The following C1QTNF3 variants were observed in gnomAD, a reference collection of about 807,000 sequenced individuals.
C1QTNF3 encodes the protein C1q and TNF related 3.
In C1QTNF3, 26 loss-of-function variants were observed where a neutral mutation model predicts 32.6. The observed-to-expected ratio is 0.80, with a 90% CI of 0.58 to 1.11. C1QTNF3 has a LOEUF of 1.11. Ranked by LOEUF, C1QTNF3 falls within the 50% of genes least tolerant of loss-of-function variation. The pLI is 0.00. For synonymous variants in C1QTNF3, 155 were observed against 146.0 expected (o/e 1.06, Z -0.44); for missense variants, 362 against 398.2 (o/e 0.91, Z 0.77).
At chr5:34,090,804 T>C in the C1QTNF3 span, among the ~76,000 whole-genome samples, 1 of 152,052 alleles carries the variant, frequency 6.6e-6, no homozygotes, top group Non-Finnish European at 1.5e-5. Context: ...GCGAAGCAGG[T>C]TGTGGACCCT....
At chr5:34,203,642 C>A in the C1QTNF3 span, among the ~76,000 whole-genome samples, 2 of 150,598 alleles carry the variant, frequency 1.3e-5, no homozygotes, top group African/African-American at 4.9e-5. Context: ...GCCAAGATTG[C>A]GCCACTGCAC....
chr5:34,074,373 A>C, the C1QTNF3 span, among the ~76,000 whole-genome samples: 3 of 151,690 alleles, frequency 2.0e-5, no homozygotes, highest in African/African-American at 2.4e-5. Flanking sequence ...CTTCATATTC[A>C]TGTCTAAACA....
the C1QTNF3 span, among the ~76,000 whole-genome samples, chr5:34,237,667 T>C: frequency 6.6e-6 from 1 of 151,612 alleles, no homozygotes; most frequent in Non-Finnish European, 1.5e-5. Flanking sequence ...AGAGAGAAAA[T>C]GCTGAGTGGA....
Position 34,043,004 on chromosome 5 carries a change from A to G in C1QTNF3, c.122T>C (p.Val41Ala). 6.2e-7 allele frequency: 1 copy of G among 1,614,148 alleles called. No individual in the cohort carries two copies. Among genetic ancestry groups the G allele is most frequent in the Non-Finnish European group, 8.5e-7 (1 of 1,180,014 alleles). ...ACGGCCAGTCTGCTGGTGGCTTTGC[A>G]CTATTCTTGCCACCACTTTATTAGT... ...GRTNKVVARI[V>A]QSHQQTGRSG... Residue 41 changes from valine (V) to alanine (A), a missense_variant, in exon 1 of 6, where the codon GTG (valine) becomes GCG (alanine). Val to Ala is a moderately conservative substitution (Grantham distance 64, BLOSUM62 0). Transcript: ENST00000382065.
At chr5:34,026,627 A>G (rs1466601391) in intron 4 of C1QTNF3, among the ~76,000 whole-genome samples, 1 of 152,082 alleles carries the variant, frequency 6.6e-6, no homozygotes, top group Non-Finnish European at 1.5e-5. Context: ...CCATACTTAA[A>G]AGAATCCGTT....
chr5:34,176,636 A>T, the C1QTNF3 span, among the ~76,000 whole-genome samples: 4 of 152,112 alleles, frequency 2.6e-5, no homozygotes, highest in African/African-American at 9.7e-5. Context: ...TCATCCAAGC[A>T]CTTTGGGAGA....
chr5:34,054,139 C>A, the C1QTNF3 span, among the ~76,000 whole-genome samples: 2 of 152,162 alleles, frequency 1.3e-5, no homozygotes, highest in Admixed American at 6.5e-5. Flanking sequence ...AGAACCAGGC[C>A]CCCAGATGGG....
At chr5:34,061,330 G>A in the C1QTNF3 span, among the ~76,000 whole-genome samples, 4 of 152,296 alleles carry the variant, frequency 2.6e-5, no homozygotes, top group Admixed American at 2.6e-4. Flanking sequence ...TTTTCCAGGT[G>A]CATGGTGCAA....
the C1QTNF3 span, among the ~76,000 whole-genome samples, chr5:34,171,940 G>C: frequency 6.6e-6 from 1 of 152,078 alleles, no homozygotes; most frequent in Non-Finnish European, 1.5e-5. Context: ...ATTCAACCAA[G>C]TATACAGCAC....
the C1QTNF3 span, among the ~76,000 whole-genome samples, chr5:34,120,035 G>T: frequency 2.0e-5 from 3 of 152,098 alleles, no homozygotes; most frequent in Admixed American, 2.0e-4. Context: ...AGAAACATCG[G>T]TATTTGATTA....
At chr5:34,155,051 C>T in the C1QTNF3 span, among the ~76,000 whole-genome samples, 8 of 152,194 alleles carry the variant, frequency 5.3e-5, no homozygotes, top group East Asian at 3.9e-4. Context: ...ACCTACCTAC[C>T]GCAGATATCA....
At chr5:34,197,848 C>G in the C1QTNF3 span, among the ~76,000 whole-genome samples, 1 of 152,110 alleles carries the variant, frequency 6.6e-6, no homozygotes, top group Non-Finnish European at 1.5e-5. Flanking sequence ...GATTTGGTGT[C>G]TGGTCAGAGC....
At chr5:34,172,659 C>T in the C1QTNF3 span, among the ~76,000 whole-genome samples, 2 of 152,116 alleles carry the variant, frequency 1.3e-5, no homozygotes, top group African/African-American at 2.4e-5. Context: ...TTAACTTGGT[C>T]CCACACAGAA....
At chr5:34,045,276 T>G (rs972723273), upstream of C1QTNF3, among the ~76,000 whole-genome samples, 5 of 152,340 alleles carry the variant, frequency 3.3e-5, no homozygotes, top group East Asian at 5.8e-4. Context: ...CTGTCATCTA[T>G]TCTAGTGGTT....
the C1QTNF3 span, among the ~76,000 whole-genome samples, chr5:34,217,569 T>C: frequency 0.015 from 2,214 of 152,082 alleles, 37 homozygotes; most frequent in South Asian, 0.034. Flanking sequence ...CCCTAATGAG[T>C]CAACTGCACT....
chr5:34,173,468 A>G, the C1QTNF3 span, among the ~76,000 whole-genome samples: 8 of 138,430 alleles, frequency 5.8e-5, no homozygotes, highest in Non-Finnish European at 1.1e-4. Context: ...CCCACTACAT[A>G]TTTTTCAAAA....
At chr5:34,219,584 C>A in the C1QTNF3 span, among the ~76,000 whole-genome samples, 5 of 150,512 alleles carry the variant, frequency 3.3e-5, no homozygotes, top group South Asian at 2.1e-4. Flanking sequence ...AAAAAAAAAA[C>A]CGCTTTGAAA....
chr5:34,107,937 T>C, the C1QTNF3 span, among the ~76,000 whole-genome samples: 2 of 152,062 alleles, frequency 1.3e-5, no homozygotes, highest in African/African-American at 4.8e-5. Context: ...TAAAACTAGC[T>C]GGTCTACACT....
the C1QTNF3 span, among the ~76,000 whole-genome samples, chr5:34,084,706 A>G: frequency 1.3e-5 from 2 of 148,620 alleles, no homozygotes; most frequent in African/African-American, 5.1e-5. Flanking sequence ...TTAAGTTCCT[A>G]GTAGATTCTG....
Sources: allele counts gnomAD v4.1 joint callset (sites outside exome capture counted in the v4.1 genomes callset), GRCh38; gene constraint gnomAD v4.1.1; transcripts MANE v1.5; gene names NCBI Gene and HGNC (gene_info 2026-07-23, HGNC 2026-07-21).